The following GYG1 variants were observed in gnomAD, a reference collection of about 807,000 sequenced individuals.
GYG1 encodes the protein glycogenin 1.
GYG1 carries 44 observed loss-of-function variants against 41.9 expected under a neutral mutation model. The observed-to-expected ratio is 1.05, with a 90% CI of 0.83 to 1.35. The LOEUF is 1.35. Among genes scored for constraint, GYG1 ranks in the 40% most tolerant of loss-of-function variants. The probability of loss-of-function intolerance (pLI) is 0.00; values close to 1 mark genes in which losing one functional copy is unlikely to be tolerated. For synonymous variants in GYG1, 141 were observed against 158.1 expected, an observed-to-expected ratio of 0.89 and a Z score of 0.81; for missense variants, 429 against 418.9, an observed-to-expected ratio of 1.02 and a Z score of -0.21.
At chr3:149,012,428 C>T (rs531929456) in intron 5 of GYG1, among the ~76,000 whole-genome samples, 1 of 152,250 alleles carries the variant, frequency 6.6e-6, no homozygotes, top group Non-Finnish European at 1.5e-5. Context: ...TTTGTCTTGC[C>T]AACTCCAAAT....
At chr3:148,994,380 G>A in intron 2 of GYG1, 103 bp downstream of exon 2, 1 of 1,244,412 alleles carries the variant, frequency 8.0e-7, no homozygotes, top group East Asian at 2.3e-5. Context: ...CAGGAATTGA[G>A]CACCGGGTAG....
At chr3:149,024,324 T>A in intron 6 of GYG1, 52 bp downstream of exon 6, 1 of 1,086,288 alleles carries the variant, frequency 9.2e-7, no homozygotes, top group South Asian at 1.2e-5. Flanking sequence ...TTTAAAAAAA[T>A]TGTTGTATCA....
At chr3:149,026,678 C>T in intron 7 of GYG1, 82 bp from the exon 8 acceptor site, 1 of 1,160,786 alleles carries the variant, frequency 8.6e-7, no homozygotes, top group East Asian at 2.3e-5. Context: ...TTCATCCTGG[C>T]TTTTCTGTCT....
In GYG1 at chr3:149,030,821, A is replaced by G. The variant is rs185005443; in HGVS notation, c.*3888A>G. Reference sequence around the variant, plus strand: ...GCTGGCTAATTCACTGTTCCCTTTGAGCAAGAAAACGGCACAGGGAGAAAA... The same window carrying G: ...GCTGGCTAATTCACTGTTCCCTTTGGGCAAGAAAACGGCACAGGGAGAAAA... On this transcript the variant is annotated 3_prime_UTR_variant, in exon 8 of 8. Transcript: ENST00000345003. 3 of 152,330 alleles carry G rather than the reference A, an allele frequency of 2.0e-5. No individual in the cohort carries two copies. The highest frequency in any genetic ancestry group is 1.3e-4 in the Admixed American group (2 of 15,304). 9.4% of individuals were successfully genotyped at this position (152,330 alleles called of 1,614,324 possible).
chr3:149,019,741 G>A (rs1360816381), intron 5 of GYG1, among the ~76,000 whole-genome samples: 1 of 152,254 alleles, frequency 6.6e-6, no homozygotes, highest in Non-Finnish European at 1.5e-5. Flanking sequence ...CAGTGCCTGA[G>A]TCACAGTGAA....
Position 148,991,612 on chromosome 3 carries a change from CCCCGGCCGCCTGCGCA to C in GYG1, c.-22_-7del. On this transcript the variant is annotated 5_prime_UTR_variant, in exon 1 of 8. Transcript: ENST00000345003. ...TCTCTGAGTCACCAACCTGAGGCTG[CCCCGGCCGCCTGCGCA>C]CCCGGCAGCACCATGACAGGTACCG... 6.4e-7 allele frequency: 1 copy of C among 1,554,732 alleles called. No homozygotes were observed.
At chr3:149,024,505 TATACCC>T (rs1396105057) in intron 6 of GYG1, among the ~76,000 whole-genome samples, 3 of 152,224 alleles carry the variant, frequency 2.0e-5, no homozygotes. Flanking sequence ...ATTTTCTGTA[TATACCC>T]ATATATTTTA....
intron 5 of GYG1, among the ~76,000 whole-genome samples, chr3:149,012,992 TTAA>T (rs1293310442): frequency 1.4e-5 from 2 of 138,432 alleles, no homozygotes; most frequent in Non-Finnish European, 3.1e-5. Context: ...CTATGCTCAG[TTAA>T]TTTGTGTGTG....
chr3:149,002,968 A>AG (rs1713177733), intron 4 of GYG1, among the ~76,000 whole-genome samples: 1 of 152,186 alleles, frequency 6.6e-6, no homozygotes, highest in Admixed American at 6.5e-5. Flanking sequence ...CAATGAGCTG[A>AG]GGTACGCCAC....
At chr3:149,016,117 T>C (rs1404343131) in intron 5 of GYG1, among the ~76,000 whole-genome samples, 1 of 151,424 alleles carries the variant, frequency 6.6e-6, no homozygotes, top group Non-Finnish European at 1.5e-5. Context: ...AAAAATTAGC[T>C]GGGTGTGGTG....
chr3:148,995,592 TGA>T (rs1576537399), intron 2 of GYG1, among the ~76,000 whole-genome samples: 2 of 152,328 alleles, frequency 1.3e-5, no homozygotes, highest in East Asian at 3.9e-4. Flanking sequence ...CACCATCAGT[TGA>T]CTTTGGTCAG....
At chr3:149,002,345 A>AG (rs1713137866) in intron 4 of GYG1, among the ~76,000 whole-genome samples, 1 of 152,244 alleles carries the variant, frequency 6.6e-6, no homozygotes, top group African/African-American at 2.4e-5. Flanking sequence ...CCAGACTAGG[A>AG]GGACCTGCCT....
chr3:149,029,108 G>T lies in GYG1; in HGVS notation c.*2175G>T, dbSNP rs1019246305. Among the ~76,000 whole-genome samples the T allele has an allele frequency of 6.6e-6, 1 of 152,180 alleles. No individual in the cohort carries two copies. The highest frequency in any genetic ancestry group is 2.4e-5 in the African/African-American group (1 of 41,448). On this transcript the variant is annotated 3_prime_UTR_variant, in exon 8 of 8. Transcript: ENST00000345003. Reference sequence around the variant, plus strand: ...CTTACCATAAGACATAGCATATAATGCTGTCAAGTTATTTGGCTAGAAAAT... The same window carrying T: ...CTTACCATAAGACATAGCATATAATTCTGTCAAGTTATTTGGCTAGAAAAT...
chr3:149,006,005 C>T (rs1179161620), intron 4 of GYG1, among the ~76,000 whole-genome samples: 1 of 151,306 alleles, frequency 6.6e-6, no homozygotes, highest in East Asian at 1.9e-4. Context: ...AACTTTATCA[C>T]ATGGGTAGAT....
At position 149,028,306 on chromosome 3, in the gene GYG1, T is replaced by A. The variant is rs777232724; in HGVS notation, c.*1373T>A. ...GGGGCCACCTTGAAGGCTGTTACCA[T>A]AGGAGCTCAATAAGAACCTGAGGAT... On this transcript the variant is annotated 3_prime_UTR_variant, in exon 8 of 8. Coordinates refer to ENST00000345003, the MANE Select transcript of GYG1 (RefSeq NM_004130.4). Among the ~76,000 whole-genome samples, 2 of 152,314 alleles carry A rather than the reference T, an allele frequency of 1.3e-5. No individual in the cohort carries two copies. The highest frequency in any genetic ancestry group is 1.9e-4 in the East Asian group (1 of 5,184).
Position 149,010,820 on chromosome 3 carries a change from T to C in GYG1, c.608+1418T>C, listed in dbSNP as rs370022611. 4.6e-5 allele frequency among the ~76,000 whole-genome samples: 7 copies of C among 152,298 alleles called. No homozygotes were observed. In the East Asian group the frequency reaches 1.2e-3, roughly 25 times the overall value. ...AGTTGTGAGCAGCACAGCCCTTCAC[T>C]GAGTTGGGCCAATCTCTGTCCCATA... On this transcript the variant is annotated intron_variant, in intron 5 of 7. Coordinates refer to ENST00000345003, the MANE Select transcript of GYG1 (RefSeq NM_004130.4).
At chr3:149,018,753 G>A (rs79363481) in intron 5 of GYG1, among the ~76,000 whole-genome samples, 2,795 of 152,196 alleles carry the variant, frequency 0.018, 89 homozygotes, top group African/African-American at 0.064. Context: ...GATAGTAGGT[G>A]TGTAACAGTT....
intron 5 of GYG1, among the ~76,000 whole-genome samples, chr3:149,022,099 G>A (rs1191247080): frequency 1.3e-5 from 2 of 152,090 alleles, no homozygotes; most frequent in Non-Finnish European, 2.9e-5. Context: ...TAGCACCTCT[G>A]CTCCCATTGA....
At chr3:149,001,367 A>C (rs1169782688) in intron 4 of GYG1, 1 of 152,246 alleles carries the variant, frequency 6.6e-6, no homozygotes, top group Admixed American at 6.5e-5. Context: ...ATGTAATGGC[A>C]AAATTAATGA....
Sources: allele counts gnomAD v4.1 joint callset (sites outside exome capture counted in the v4.1 genomes callset), GRCh38; gene constraint gnomAD v4.1.1; transcripts MANE v1.5; gene names NCBI Gene and HGNC (gene_info 2026-07-23, HGNC 2026-07-21).